The following LRRC1 variants were observed in gnomAD, a reference collection of about 807,000 sequenced individuals.
LRRC1 encodes leucine rich repeat containing 1, also known as leucine-rich repeat-containing protein 1.
Under a neutral mutation model 69.9 loss-of-function variants are expected in LRRC1, and 28 were observed. That is an observed-to-expected ratio of 0.40 (90% CI 0.30 to 0.55). LRRC1 has a LOEUF of 0.55. Ranked by LOEUF, LRRC1 falls within the 20% of genes least tolerant of loss-of-function variation. LRRC1 has a pLI of 0.47. For synonymous variants in LRRC1, 236 were observed against 240.2 expected (o/e 0.98, Z 0.16); for missense variants, 498 against 609.0 (o/e 0.82, Z 1.92).
At chr6:53,812,994 G>T (rs1202655004) in intron 1 of LRRC1, among the ~76,000 whole-genome samples, 1 of 152,072 alleles carries the variant, frequency 6.6e-6, no homozygotes, top group Middle Eastern at 3.2e-3. Context: ...TGGATTGTGG[G>T]TGCTGGTTCT....
chr6:53,871,395 G>T (rs111987805), intron 2 of LRRC1, among the ~76,000 whole-genome samples: 2 of 152,068 alleles, frequency 1.3e-5, no homozygotes, highest in Admixed American at 1.3e-4. Context: ...TGGTAATGCT[G>T]GGCATTTTTT....
At chr6:53,892,312 T>G (rs151151719) in intron 4 of LRRC1, among the ~76,000 whole-genome samples, 177 of 152,312 alleles carry the variant, frequency 1.2e-3, no homozygotes, top group Middle Eastern at 3.4e-3. Context: ...ATTATTATTA[T>G]TAGTAGTAGA....
At chr6:53,903,151 C>T (rs1429627231) in intron 9 of LRRC1, among the ~76,000 whole-genome samples, 1 of 152,130 alleles carries the variant, frequency 6.6e-6, no homozygotes, top group African/African-American at 2.4e-5. Flanking sequence ...AGAAGAGGAA[C>T]GAGATGGACG....
chr6:53,914,817 T>A (rs890961503), intron 11 of LRRC1, among the ~76,000 whole-genome samples: 1 of 152,152 alleles, frequency 6.6e-6, no homozygotes, highest in Admixed American at 6.5e-5. Flanking sequence ...TTGGGGAATT[T>A]CCCCTGCCAT....
intron 13 of LRRC1, among the ~76,000 whole-genome samples, chr6:53,921,202 A>G (rs1300496298): frequency 6.6e-6 from 1 of 152,164 alleles, no homozygotes; most frequent in Non-Finnish European, 1.5e-5. Flanking sequence ...TCCTGGACTC[A>G]AGTGACCTAC....
chr6:53,840,002 G>A (rs1238273579), intron 1 of LRRC1, among the ~76,000 whole-genome samples: 1 of 151,602 alleles, frequency 6.6e-6, no homozygotes, highest in Non-Finnish European at 1.5e-5. Context: ...GTGTAGATGG[G>A]TTGCTCTTGG....
At position 53,795,144 on chromosome 6, in the gene LRRC1, G is replaced by T. The variant is rs1010511069; in HGVS notation, c.-113G>T. On this transcript the variant is annotated 5_prime_UTR_variant, in exon 1 of 14. Coordinates refer to ENST00000370888, the MANE Select transcript of LRRC1 (RefSeq NM_018214.5). ...GCGCGAGAAGCGAGCTAACCCAAGAGCCAACAACGAGCGCGGAGAGGGCAG... is the reference window on the plus strand; with the variant it reads ...GCGCGAGAAGCGAGCTAACCCAAGATCCAACAACGAGCGCGGAGAGGGCAG... The T allele has an allele frequency of 1.0e-5, 10 of 952,856 alleles. No individual in the cohort carries two copies. The highest frequency in any genetic ancestry group is 9.1e-5 in the Admixed American group (3 of 32,868). 59.0% of individuals were successfully genotyped at this position (952,856 alleles called of 1,614,324 possible).
chr6:53,910,778 C>A (rs942315520), intron 10 of LRRC1, among the ~76,000 whole-genome samples: 9 of 152,194 alleles, frequency 5.9e-5, no homozygotes, highest in African/African-American at 2.2e-4. Flanking sequence ...TAAATTCTAG[C>A]CCAGGTCTGT....
intron 2 of LRRC1, among the ~76,000 whole-genome samples, chr6:53,859,580 A>G (rs1192987444): frequency 6.6e-6 from 1 of 152,162 alleles, no homozygotes; most frequent in Non-Finnish European, 1.5e-5. Context: ...CCGTGGAACA[A>G]TGGCTTTACT....
chr6:53,824,769 T>A (rs1198024056), intron 1 of LRRC1, among the ~76,000 whole-genome samples: 2 of 152,206 alleles, frequency 1.3e-5, no homozygotes, highest in Non-Finnish European at 2.9e-5. Flanking sequence ...GAGGGGAATG[T>A]GCATGGAAAC....
At chr6:53,909,021 G>A (rs1355551764) in intron 10 of LRRC1, among the ~76,000 whole-genome samples, 3 of 152,118 alleles carry the variant, frequency 2.0e-5, no homozygotes, top group African/African-American at 7.2e-5. Flanking sequence ...AAAAACTTTA[G>A]AAATGTGCGT....
chr6:53,819,057 T>TG (rs34641607), intron 1 of LRRC1, among the ~76,000 whole-genome samples: 1 of 152,030 alleles, frequency 6.6e-6, no homozygotes, highest in Non-Finnish European at 1.5e-5. Flanking sequence ...TTGACCCATG[T>TG]GGGGGATGAT....
intron 10 of LRRC1, among the ~76,000 whole-genome samples, chr6:53,910,251 A>C (rs887952491): frequency 6.6e-6 from 1 of 152,210 alleles, no homozygotes; most frequent in Non-Finnish European, 1.5e-5. Flanking sequence ...TATGTGGTTT[A>C]AGGGAAGCTT....
At chr6:53,920,914 C>G in intron 13 of LRRC1, 153 bp downstream of exon 13, 1 of 774,760 alleles carries the variant, frequency 1.3e-6, no homozygotes, top group Admixed American at 2.8e-5. Flanking sequence ...ATAGGTAATT[C>G]TAGGTACTCA....
Position 53,920,682 on chromosome 6 carries a change from C to T in LRRC1, c.1337C>T (p.Ala446Val), listed in dbSNP as rs1394171779. The T allele has an allele frequency of 1.2e-6, 2 of 1,613,982 alleles. No homozygotes were observed. Among genetic ancestry groups the T allele is most frequent in the African/African-American group, 2.7e-5 (2 of 74,908 alleles). ...TTGGTAAATGATGTCTCTGATGAAG[C>T]CTGGAACGAGCGTGCTGTCAACAGA... Reference protein sequence around the residue: ...ENLVNDVSDEAWNERAVNRVS... With the variant: ...ENLVNDVSDEVWNERAVNRVS... Residue 446 changes from alanine (A) to valine (V), a missense_variant, in exon 13 of 14, where the codon GCC (alanine) becomes GTC (valine). By Grantham distance (64) the Ala-to-Val change is moderately conservative. Transcript: ENST00000370888.
chr6:53,816,578 G>A (rs1304271961), intron 1 of LRRC1, among the ~76,000 whole-genome samples: 1 of 152,058 alleles, frequency 6.6e-6, no homozygotes, highest in Non-Finnish European at 1.5e-5. Flanking sequence ...AATCAAAACA[G>A]GGCAATATTT....
rs963233131 is a variant in LRRC1, at chr6:53,795,008, G to A, written c.-249G>A. ...AGCTCCGCGCGGCGGCGGGGGCGGCGACGGCGACTGGCGGGTGGGAGTGGA... is the reference window on the plus strand; with the variant it reads ...AGCTCCGCGCGGCGGCGGGGGCGGCAACGGCGACTGGCGGGTGGGAGTGGA... On this transcript the variant is annotated 5_prime_UTR_variant, in exon 1 of 14. Transcript: ENST00000370888. 8 of 356,094 alleles carry A rather than the reference G, an allele frequency of 2.2e-5. No homozygotes were observed. The highest frequency in any genetic ancestry group is 1.4e-4 in the East Asian group (3 of 21,772). The allele number at this position is 356,094 out of a possible 1,614,324, so 22.1% of individuals were successfully genotyped here. A position where few individuals can be genotyped will look rare whatever the true frequency, so the allele number is the denominator to read the frequency against.
chr6:53,855,333 C>T (rs1312025038), intron 2 of LRRC1, among the ~76,000 whole-genome samples: 2 of 152,124 alleles, frequency 1.3e-5, no homozygotes, highest in African/African-American at 2.4e-5. Context: ...TTCCATTCAG[C>T]GAGTGAATGA....
chr6:53,896,118 T>C (rs1403237066), intron 4 of LRRC1, among the ~76,000 whole-genome samples: 1 of 152,244 alleles, frequency 6.6e-6, no homozygotes, highest in Non-Finnish European at 1.5e-5. Flanking sequence ...TGTTTTATGG[T>C]AACTGCATTT....
Sources: allele counts gnomAD v4.1 joint callset (sites outside exome capture counted in the v4.1 genomes callset), GRCh38; gene constraint gnomAD v4.1.1; transcripts MANE v1.5; gene names NCBI Gene and HGNC (gene_info 2026-07-23, HGNC 2026-07-21).